Variants in GRP observed in about 807,000 individuals in gnomAD.
GRP encodes gastrin-releasing peptide.
Under a neutral mutation model 12.7 loss-of-function variants are expected in GRP, and 11 were observed. That is an observed-to-expected ratio of 0.87 (90% CI 0.55 to 1.44). GRP has a LOEUF of 1.44. Ranked by LOEUF, GRP falls within the 40% of genes most tolerant of loss-of-function variation. The pLI is 0.00. For synonymous variants in GRP, 84 were observed against 77.7 expected, an observed-to-expected ratio of 1.08 and a Z score of -0.43; for missense variants, 212 against 185.4, an observed-to-expected ratio of 1.14 and a Z score of -0.83.
Position 59,230,434 on chromosome 18 carries a change from G to C in GRP, c.413G>C (p.Arg138Pro). The change falls in exon 3 of 3, where the codon CGT becomes CCT. Residue 138 changes from arginine to proline, a missense_variant. By Grantham distance (103) the Arg-to-Pro change is moderately radical. Coordinates refer to ENST00000256857, the MANE Select transcript of GRP (RefSeq NM_002091.5). The stretch of plus-strand genomic sequence containing the variant: ...AGACTCTCTGCTCCAGGTTCTCAAC[G>C]TGAAGGAAGGAACCCCCAGCTGAAC... Reference protein sequence around the residue: ...VGRLSAPGSQREGRNPQLNQQ With the variant: ...VGRLSAPGSQPEGRNPQLNQQ 6 of 1,600,028 alleles carry C rather than the reference G, an allele frequency of 3.7e-6. No homozygotes were observed. The highest frequency in any genetic ancestry group is 5.1e-6 in the Non-Finnish European group (6 of 1,167,276).
intron 1 of GRP, among the ~76,000 whole-genome samples, chr18:59,224,561 A>G (rs753751387): frequency 3.9e-5 from 6 of 152,238 alleles, no homozygotes; most frequent in Non-Finnish European, 5.9e-5. Context: ...CCAACTACAG[A>G]GAGAGGAAAA....
intron 1 of GRP, among the ~76,000 whole-genome samples, chr18:59,221,422 C>A (rs986249690): frequency 3.3e-5 from 5 of 151,986 alleles, no homozygotes; most frequent in African/African-American, 9.7e-5. Context: ...GGGCTCTCGG[C>A]GTCGCCGAGC....
chr18:59,225,926 A>T (rs991216587), intron 2 of GRP, among the ~76,000 whole-genome samples, 192 bp downstream of exon 2: 7 of 152,176 alleles, frequency 4.6e-5, no homozygotes, highest in African/African-American at 1.2e-4. Context: ...AGTCAAAAGG[A>T]TATTGATTCC....
chr18:59,225,489 C>T lies in GRP; in HGVS notation c.140-3C>T, dbSNP rs2069901550. On this transcript the variant is annotated splice_polypyrimidine_tract_variant and splice_region_variant and intron_variant, in intron 1 of 2. Transcript: ENST00000256857. ...CTGAGTGTTTTTGTTTTTGTTTTTA[C>T]AGGGCACTTAATGGGGAAAAAGAGC... 1.9e-6 allele frequency: 3 copies of T among 1,600,392 alleles called. No individual in the cohort carries two copies. Among genetic ancestry groups the T allele is most frequent in the African/African-American group, 1.4e-5 (1 of 74,002 alleles).
In GRP at chr18:59,230,677, A is replaced by T. The variant is rs2070020578; in HGVS notation, c.*209A>T. 1.8e-6 allele frequency: 1 copy of T among 550,528 alleles called. No individual in the cohort carries two copies. 34.1% of individuals were successfully genotyped at this position (550,528 alleles called of 1,614,324 possible). A position where few individuals can be genotyped will look rare whatever the true frequency, so the allele number is the denominator to read the frequency against. On this transcript the variant is annotated 3_prime_UTR_variant, in exon 3 of 3. Coordinates refer to ENST00000256857, the MANE Select transcript of GRP (RefSeq NM_002091.5). ...GAACAATTGTCGAAAAGAGTCTTCC[A>T]ATTAATGCTTTTTTATATCTAGGCT...
upstream of GRP, chr18:59,220,151 AG>A: frequency 2.8e-6 from 1 of 360,374 alleles, no homozygotes; most frequent in South Asian, 3.1e-5. Flanking sequence ...GCCCTAGTGG[AG>A]GCCGCAGCAG....
At chr18:59,228,642 A>G (rs1267906947) in intron 2 of GRP, among the ~76,000 whole-genome samples, 2 of 152,254 alleles carry the variant, frequency 1.3e-5, no homozygotes, top group Admixed American at 6.5e-5. Flanking sequence ...AATTATGCCC[A>G]GCAATGTTCA....
chr18:59,227,853 A>G (rs1214052381), intron 2 of GRP, among the ~76,000 whole-genome samples: 1 of 152,208 alleles, frequency 6.6e-6, no homozygotes, highest in Non-Finnish European at 1.5e-5. Context: ...CAACAGCAAA[A>G]AGAATAGCTC....
chr18:59,223,701 C>CA (rs1197615512), intron 1 of GRP, among the ~76,000 whole-genome samples: 1 of 152,174 alleles, frequency 6.6e-6, no homozygotes, highest in Non-Finnish European at 1.5e-5. Flanking sequence ...TCCTGCCTTC[C>CA]AACCATCATG....
At chr18:59,224,409 A>C (rs2069882752) in intron 1 of GRP, among the ~76,000 whole-genome samples, 1 of 152,244 alleles carries the variant, frequency 6.6e-6, no homozygotes, top group Non-Finnish European at 1.5e-5. Context: ...TTTAAGACTG[A>C]AGATCTTTCA....
chr18:59,225,786 G>A (rs771965867), intron 2 of GRP, 52 bp downstream of exon 2: 19 of 1,561,422 alleles, frequency 1.2e-5, no homozygotes, highest in Non-Finnish European at 1.7e-5. Context: ...GGGAGAGGTG[G>A]AAAGAGGGCA....
chr18:59,223,738 T>C (rs59871766), intron 1 of GRP, among the ~76,000 whole-genome samples: 6,169 of 152,198 alleles, frequency 0.041, 206 homozygotes, highest in African/African-American at 0.085. Flanking sequence ...ATAAATAAAG[T>C]CAAATGCATC....
intron 2 of GRP, among the ~76,000 whole-genome samples, chr18:59,227,028 T>TCTTTCTTCCTTC: frequency 6.9e-6 from 1 of 145,144 alleles, no homozygotes; most frequent in East Asian, 2.0e-4. Context: ...TTTCTTTCTT[T>TCTTTCTTCCTTC]CTTTCTTTCT....
chr18:59,224,342 T>G (rs1393251068), intron 1 of GRP, among the ~76,000 whole-genome samples: 1 of 152,194 alleles, frequency 6.6e-6, no homozygotes, highest in East Asian at 1.9e-4. Flanking sequence ...GCAATAAAGT[T>G]AAAGTGAGGG....
At chr18:59,220,107 A>ACCCCC, upstream of GRP, 1 of 198,492 alleles carries the variant, frequency 5.0e-6, no homozygotes, top group East Asian at 2.0e-4. Context: ...AGAGCCCCCC[A>ACCCCC]GCCCCCCCGC....
intron 2 of GRP, 132 bp downstream of exon 2, chr18:59,225,866 T>C (rs1035326128): frequency 2.9e-6 from 2 of 699,144 alleles, no homozygotes; most frequent in Non-Finnish European, 4.7e-6. Context: ...GGCTAACACA[T>C]GCTAAGCACA....
intron 2 of GRP, among the ~76,000 whole-genome samples, chr18:59,226,722 A>C (rs2069927264): frequency 6.6e-6 from 1 of 152,214 alleles, no homozygotes; most frequent in Admixed American, 6.5e-5. Context: ...ATCCAGGCTG[A>C]AGGCCTTGCT....
At chr18:59,222,084 C>T (rs2069844487) in intron 1 of GRP, among the ~76,000 whole-genome samples, 2 of 152,210 alleles carry the variant, frequency 1.3e-5, no homozygotes, top group Admixed American at 6.5e-5. Context: ...GGCCCAGCCA[C>T]CAGCCAATGG....
chr18:59,228,552 C>T (rs1212657543), intron 2 of GRP, among the ~76,000 whole-genome samples: 3 of 152,212 alleles, frequency 2.0e-5, no homozygotes, highest in Non-Finnish European at 2.9e-5. Context: ...AAGATATTTA[C>T]TTAATTCATA....
Sources: gnomAD v4.1 joint callset for allele counts (sites outside exome capture counted in the v4.1 genomes callset) on GRCh38, gnomAD v4.1.1 for gene constraint, MANE v1.5 for transcripts, NCBI Gene and HGNC (gene_info 2026-07-23, HGNC 2026-07-21) for gene names.